Variants in CMC2 observed in about 807,000 individuals in gnomAD.
CMC2 encodes the protein COX assembly mitochondrial protein 2 homolog.
CMC2 carries 5 observed loss-of-function variants against 7.5 expected under a neutral mutation model. The observed-to-expected ratio is 0.66, with a 90% confidence interval of 0.35 to 1.40. The LOEUF is 1.40. Among genes scored for constraint, CMC2 ranks in the 40% most tolerant of loss-of-function variants. The probability of loss-of-function intolerance (pLI) is 0.04; values close to 1 mark genes in which losing one functional copy is unlikely to be tolerated. For synonymous variants in CMC2, 37 were observed against 31.4 expected (o/e 1.18, Z -0.60); for missense variants, 115 against 92.3 (o/e 1.25, Z -1.01).
At chr16:81,002,816 T>A (rs1192674671) in intron 1 of CMC2, among the ~76,000 whole-genome samples, 1 of 152,214 alleles carries the variant, frequency 6.6e-6, no homozygotes, top group African/African-American at 2.4e-5. Context: ...AATAATTGTA[T>A]ATATTTATAA....
chr16:80,967,285 T>G lies in CMC2; in HGVS notation c.*8808A>C, dbSNP rs1911619260. ...CCATCACAGCAACTTGAACTATCCC[T>G]AGAGAATTTTCCTTTAATTGTATCT... is the stretch of plus-strand genomic sequence containing the variant. On this transcript the variant is annotated 3_prime_UTR_variant, in exon 4 of 4. Transcript: ENST00000219400. 1 of 152,256 alleles carries G rather than the reference T, an allele frequency of 6.6e-6. No homozygotes were observed. The highest frequency in any genetic ancestry group is 1.5e-5 in the Non-Finnish European group (1 of 68,048). The allele number at this position is 152,256 out of a possible 1,614,324, so 9.4% of individuals were successfully genotyped here.
At chr16:81,002,812 T>A (rs1338357328) in intron 1 of CMC2, among the ~76,000 whole-genome samples, 1 of 152,324 alleles carries the variant, frequency 6.6e-6, no homozygotes, top group East Asian at 1.9e-4. Context: ...AAATAATAAT[T>A]GTATATATTT....
intron 2 of CMC2, among the ~76,000 whole-genome samples, chr16:80,993,247 C>G (rs2549855): frequency 0.65 from 99,151 of 152,008 alleles, 34,100 homozygotes; most frequent in South Asian, 0.8. Flanking sequence ...GACTACAGGA[C>G]TGTGATAACT....
intron 1 of CMC2, among the ~76,000 whole-genome samples, chr16:81,000,241 T>C (rs1289867840): frequency 2.6e-5 from 4 of 152,000 alleles, no homozygotes; most frequent in Admixed American, 1.3e-4. Context: ...CTCACACCTG[T>C]AATCCCAGCG....
intron 2 of CMC2, among the ~76,000 whole-genome samples, chr16:80,992,491 TAC>T (rs1459218732): frequency 1.3e-5 from 2 of 152,238 alleles, no homozygotes; most frequent in Non-Finnish European, 2.9e-5. Context: ...TATGAGGGTA[TAC>T]AGTGTTGCCA....
chr16:80,998,357 GA>G (rs11297301), intron 1 of CMC2: 95,296 of 150,608 alleles, frequency 0.63, 31,536 homozygotes, highest in Middle Eastern at 0.79. Context: ...GGCTACTGCT[GA>G]AAAAAAAACA....
At chr16:80,999,429 AG>A (rs1968682677) in intron 1 of CMC2, among the ~76,000 whole-genome samples, 1 of 152,214 alleles carries the variant, frequency 6.6e-6, no homozygotes, top group Admixed American at 6.5e-5. Flanking sequence ...ACAAACAAAT[AG>A]AAAAACATTC....
In CMC2 at chr16:80,981,884, G is replaced by C; in HGVS notation, c.82-7C>G. Reference sequence around the variant, plus strand: ...AAAATTTCAGAATGTTGTGCTAAAAGGAAGAAAAGGAGTAAAATATTTCAT... The same window carrying C: ...AAAATTTCAGAATGTTGTGCTAAAACGAAGAAAAGGAGTAAAATATTTCAT... On this transcript the variant is annotated splice_region_variant and splice_polypyrimidine_tract_variant and intron_variant, in intron 2 of 3. Coordinates refer to ENST00000219400, the MANE Select transcript of CMC2 (RefSeq NM_020188.5). The C allele has an allele frequency of 1.3e-6, 2 of 1,585,840 alleles. No homozygotes were observed. Among genetic ancestry groups the C allele is most frequent in the South Asian group, 1.1e-5 (1 of 89,392 alleles).
chr16:80,986,382 T>C (rs1178748940), intron 2 of CMC2, among the ~76,000 whole-genome samples: 1 of 150,740 alleles, frequency 6.6e-6, no homozygotes, highest in Non-Finnish European at 1.5e-5. Context: ...AAAATGCAGA[T>C]TCCTAACAGC....
At chr16:80,997,050 T>C (rs777850133) in intron 2 of CMC2, 12 of 528,326 alleles carry the variant, frequency 2.3e-5, no homozygotes, top group Non-Finnish European at 3.5e-5. Flanking sequence ...AGCATTTTAT[T>C]GTAAGAACAT....
At chr16:80,983,993 GA>G (rs34669239) in intron 2 of CMC2, 23,893 of 148,052 alleles carry the variant, frequency 0.16, 1,994 homozygotes, top group East Asian at 0.22. Context: ...AAAAAAAAAA[GA>G]AAAAAAAACC....
intron 2 of CMC2, among the ~76,000 whole-genome samples, chr16:80,988,885 T>G (rs1967750245): frequency 6.6e-6 from 1 of 152,190 alleles, no homozygotes; most frequent in South Asian, 2.1e-4. Context: ...TTTTCTTTCA[T>G]TACCTTAACA....
At position 80,966,674 on chromosome 16, in the gene CMC2, A is replaced by T. The variant is rs541862188; in HGVS notation, c.*9419T>A. On this transcript the variant is annotated 3_prime_UTR_variant, in exon 4 of 4. Transcript: ENST00000219400. ...GATGTATCACCTTCTGGAGATGTAAAGTCAAAATATTGTATTTGAACAACA... is the reference window on the plus strand; with the variant it reads ...GATGTATCACCTTCTGGAGATGTAATGTCAAAATATTGTATTTGAACAACA... 6.6e-6 allele frequency: 1 copy of T among 152,316 alleles called. No homozygotes were observed. The highest frequency in any genetic ancestry group is 2.1e-4 in the South Asian group (1 of 4,830). The allele number at this position is 152,316 out of a possible 1,614,324, so 9.4% of individuals were successfully genotyped here. A position where few individuals can be genotyped will look rare whatever the true frequency, so the allele number is the denominator to read the frequency against.
chr16:80,981,609 G>C (rs1009376174), intron 3 of CMC2, among the ~76,000 whole-genome samples, 197 bp downstream of exon 3: 1 of 152,110 alleles, frequency 6.6e-6, no homozygotes, highest in African/African-American at 2.4e-5. Context: ...TGTGTTCATG[G>C]CCAAAAAGCC....
intron 2 of CMC2, among the ~76,000 whole-genome samples, chr16:80,987,675 G>T (rs919486299): frequency 2.0e-5 from 3 of 152,074 alleles, no homozygotes; most frequent in African/African-American, 4.8e-5. Context: ...ATAAAAGCAC[G>T]GAAAGAATGA....
Position 80,975,927 on chromosome 16 carries a change from AC to A in CMC2, c.*165del. ...GAGACAGTACTAAACGCCCTGCCCA[AC>A]AAATACTCAGAATCCAGGGTTTTCA... On this transcript the variant is annotated 3_prime_UTR_variant, in exon 4 of 4. Coordinates refer to ENST00000219400, the MANE Select transcript of CMC2 (RefSeq NM_020188.5). 1.7e-6 allele frequency: 1 copy of A among 593,004 alleles called. No homozygotes were observed. Among genetic ancestry groups the A allele is most frequent in the Non-Finnish European group, 3.0e-6 (1 of 336,422 alleles). The allele number at this position is 593,004 out of a possible 1,614,324, so 36.7% of individuals were successfully genotyped here.
chr16:80,972,893 G>A lies in CMC2; in HGVS notation c.*3200C>T, dbSNP rs953612832. The A allele has an allele frequency of 6.6e-6, 1 of 152,206 alleles. No homozygotes were observed. Among genetic ancestry groups the A allele is most frequent in the African/African-American group, 2.4e-5 (1 of 41,396 alleles). 9.4% of individuals were successfully genotyped at this position (152,206 alleles called of 1,614,324 possible). On this transcript the variant is annotated 3_prime_UTR_variant, in exon 4 of 4. Coordinates refer to ENST00000219400, the MANE Select transcript of CMC2 (RefSeq NM_020188.5). Reference sequence around the variant, plus strand: ...AGAACCACATCCATCTTATTCCATGGTATCACCTGCACCCAGCACAATGCC... The same window carrying A: ...AGAACCACATCCATCTTATTCCATGATATCACCTGCACCCAGCACAATGCC...
intron 2 of CMC2, 67 bp from the exon 3 acceptor site, chr16:80,981,944 T>C: frequency 1.1e-6 from 1 of 932,590 alleles, no homozygotes; most frequent in Middle Eastern, 2.1e-4. Flanking sequence ...CACATAAAAT[T>C]TAAATACTGC....
rs1911981791 is a variant in CMC2 at position 80,972,229 on chromosome 16, G to T, written c.*3864C>A. 6.6e-6 allele frequency: 1 copy of T among 152,182 alleles called. No individual in the cohort carries two copies. Among genetic ancestry groups the T allele is most frequent in the African/African-American group, 2.4e-5 (1 of 41,438 alleles). 9.4% of individuals were successfully genotyped at this position (152,182 alleles called of 1,614,324 possible). ...CTCTAGAGGAGGCAGGGATGTCTAT[G>T]GATTAAGGTAGATTCTGGTATAGCT... On this transcript the variant is annotated 3_prime_UTR_variant, in exon 4 of 4. Transcript: ENST00000219400.
Sources: gnomAD v4.1 joint callset for allele counts (sites outside exome capture counted in the v4.1 genomes callset) on GRCh38, gnomAD v4.1.1 for gene constraint, MANE v1.5 for transcripts, NCBI Gene and HGNC (gene_info 2026-07-23, HGNC 2026-07-21) for gene names.